Variants in ARHGEF1 observed in about 807,000 individuals in gnomAD.
ARHGEF1 encodes 115 kDa guanine nucleotide exchange factor.
In ARHGEF1, 40 loss-of-function variants were observed where a neutral mutation model predicts 119.7. The observed-to-expected ratio is 0.33, with a 90% confidence interval of 0.26 to 0.44. The LOEUF (loss-of-function observed/expected upper bound fraction) is 0.44. ARHGEF1 is among the 20% of genes least tolerant of loss of function. The pLI is 1.00. For synonymous variants in ARHGEF1, 494 were observed against 521.0 expected, an observed-to-expected ratio of 0.95 and a Z score of 0.71; for missense variants, 976 against 1,268.3, an observed-to-expected ratio of 0.77 and a Z score of 3.50.
intron 14 of ARHGEF1, chr19:41,900,816 G>A (rs1244390708): frequency 4.7e-5 from 6 of 128,066 alleles, no homozygotes; most frequent in African/African-American, 6.4e-5. Context: ...TTTTTGAGAC[G>A]ATCTCGCTCT....
At chr19:41,890,985 C>T (rs572021428) in intron 4 of ARHGEF1, among the ~76,000 whole-genome samples, 97 of 152,210 alleles carry the variant, frequency 6.4e-4, no homozygotes, top group African/African-American at 2.3e-3. Context: ...CAGATGAGAG[C>T]CCCCAGGAGC....
intron 14 of ARHGEF1, among the ~76,000 whole-genome samples, chr19:41,900,388 G>T (rs1041715190): frequency 1.3e-5 from 2 of 152,154 alleles, no homozygotes; most frequent in African/African-American, 4.8e-5. Context: ...AAATTTCATT[G>T]CAATTAACGA....
rs2074633267 is a variant in ARHGEF1, at chr19:41,903,181, CA to C, written c.1739-123del. 5 of 851,482 alleles carry C rather than the reference CA, an allele frequency of 5.9e-6. No individual in the cohort carries two copies. In the South Asian group the frequency reaches 7.8e-5, roughly 13 times the overall value. 52.7% of individuals were successfully genotyped at this position (851,482 alleles called of 1,614,324 possible). On this transcript the variant is annotated intron_variant, in intron 18 of 28. Coordinates refer to ENST00000354532, the MANE Select transcript of ARHGEF1 (RefSeq NM_004706.4). The surrounding 1 kb of genome is among the most constrained non-coding windows in gnomAD (Gnocchi z 4.2). ...AAGCTATCCTCCCGCCTCAGCCTCC[CA>C]AAGTGCTTGGATTACAGGCGTGAGC...
In ARHGEF1 at chr19:41,888,856, A is replaced by T; in HGVS notation, c.216A>T (p.Pro72=). ...AGCACGTGGCCCTGCAGTTTGAGCCAGGACCCCTGGTGAGGGCAGGGCTGG... is the reference window on the plus strand; with the variant it reads ...AGCACGTGGCCCTGCAGTTTGAGCCTGGACCCCTGGTGAGGGCAGGGCTGG... ...LLQHVALQFE[P]GPLLCCLHAD... The change falls in exon 4 of 29, where the codon CCA becomes CCT. Residue 72 remains proline, a synonymous_variant. Coordinates refer to ENST00000354532, the MANE Select transcript of ARHGEF1 (RefSeq NM_004706.4). This position sits in a 1 kb window ranked among gnomAD's most constrained non-coding sequence, Gnocchi z 5.1. The T allele has an allele frequency of 1.2e-6, 2 of 1,603,814 alleles. No homozygotes were observed. Among genetic ancestry groups the T allele is most frequent in the Non-Finnish European group, 1.7e-6 (2 of 1,173,396 alleles).
upstream of ARHGEF1, among the ~76,000 whole-genome samples, chr19:41,919,512 TACACACACACACAC>T: frequency 6.8e-6 from 1 of 146,592 alleles, no homozygotes; most frequent in East Asian, 2.0e-4. Flanking sequence ...CGTGCACGCG[TACACACACACACAC>T]ACACACACAC....
At position 41,888,377 on chromosome 19, in the gene ARHGEF1, C is replaced by T. The variant is rs558622463; in HGVS notation, c.111+99C>T. ...ATGCTGTCTTCTTGGCCTTTTCCCA[C>T]GGTCTGTCTCATCCTCTCATCTCCC... On this transcript the variant is annotated intron_variant, in intron 3 of 28. Transcript: ENST00000354532. This position sits in a 1 kb window ranked among gnomAD's most constrained non-coding sequence, Gnocchi z 5.1. 5.8e-5 allele frequency: 71 copies of T among 1,222,896 alleles called. No individual in the cohort carries two copies. The highest frequency in any genetic ancestry group is 4.4e-4 in the African/African-American group (29 of 65,524). The allele number at this position is 1,222,896 out of a possible 1,614,324, so 75.8% of individuals were successfully genotyped here. A position where few individuals can be genotyped will look rare whatever the true frequency, so the allele number is the denominator to read the frequency against.
chr19:41,904,191 C>T lies in ARHGEF1; in HGVS notation c.1994-25C>T, dbSNP rs371919577. ...GGGAGGGGGTCGCGCGGGGGCACGC[C>T]GTGTGAGCACTGCTCGCCCCGTAGA... On this transcript the variant is annotated intron_variant, in intron 21 of 28. Transcript: ENST00000354532. The surrounding 1 kb of genome is among the most constrained non-coding windows in gnomAD (Gnocchi z 8.4). The T allele has an allele frequency of 2.3e-5, 37 of 1,612,404 alleles. No individual in the cohort carries two copies. The highest frequency in any genetic ancestry group is 1.6e-4 in the Middle Eastern group (1 of 6,072).
Position 41,902,638 on chromosome 19 carries a change from C to T in ARHGEF1, c.1603C>T (p.Arg535Trp). 2.5e-6 allele frequency: 4 copies of T among 1,614,228 alleles called. No homozygotes were observed. The highest frequency in any genetic ancestry group is 1.3e-5 in the African/African-American group (1 of 75,070). The change falls in exon 17 of 29, where the codon CGG (arginine) becomes TGG (tryptophan). Residue 535 changes from arginine (R) to tryptophan (W), a missense_variant. This residue lies in a region of ARHGEF1 where 286 missense variants were observed against 506.8 expected (regional missense o/e 0.56). Coordinates refer to ENST00000354532, the MANE Select transcript of ARHGEF1 (RefSeq NM_004706.4). This position sits in a 1 kb window ranked among gnomAD's most constrained non-coding sequence, Gnocchi z 6.5. ...CAAAGCCAAGCAACGCAAGGACCCT[C>T]GGTTCTGTGCCTTCGTGCAGGTGAG... ...QLKAKQRKDP[R>W]FCAFVQEAES...
intron 18 of ARHGEF1, among the ~76,000 whole-genome samples, chr19:41,914,012 G>C (rs1163065961): frequency 6.8e-6 from 1 of 147,180 alleles, no homozygotes; most frequent in Non-Finnish European, 1.5e-5. Context: ...CTGCTCCCAT[G>C]CGCCCCCCAG....
chr19:41,908,354 CCCA>C (rs1177285907), downstream of ARHGEF1: 3 of 1,231,354 alleles, frequency 2.4e-6, no homozygotes, highest in Non-Finnish European at 3.0e-6. The surrounding 1 kb of genome is among the most constrained non-coding windows in gnomAD (Gnocchi z 6.7). Flanking sequence ...TGTCCTCCTT[CCCA>C]CCAAGGGCAG....
intron 28 of ARHGEF1, 97 bp from the exon 29 acceptor site, chr19:41,907,008 C>A: frequency 8.1e-7 from 1 of 1,235,010 alleles, no homozygotes; most frequent in South Asian, 1.6e-5. Flanking sequence ...CCCACCTCCC[C>A]TTCTCTCTCT....
At position 41,904,386 on chromosome 19, in the gene ARHGEF1, G is replaced by A; in HGVS notation, c.2161+3G>A. ...CATGACCCGCGAGGTGGCCACCGGTGAGTGCAGCCACTGCATGGCCCAGGG... is the reference window on the plus strand; with the variant it reads ...CATGACCCGCGAGGTGGCCACCGGTAAGTGCAGCCACTGCATGGCCCAGGG... On this transcript the variant is annotated splice_donor_region_variant and intron_variant, in intron 22 of 28. Transcript: ENST00000354532. This position sits in a 1 kb window ranked among gnomAD's most constrained non-coding sequence, Gnocchi z 8.4. 6.4e-7 allele frequency: 1 copy of A among 1,562,036 alleles called. No homozygotes were observed. The highest frequency in any genetic ancestry group is 8.6e-7 in the Non-Finnish European group (1 of 1,158,060).
Position 41,906,176 on chromosome 19 carries a change from G to A in ARHGEF1, c.2491+151G>A. ...CCACCCAGCCTGCACCACTGTCCTG[G>A]GTGCCCACGTCCCTCTTCTGCAGCC... On this transcript the variant is annotated intron_variant, in intron 26 of 28. Coordinates refer to ENST00000354532, the MANE Select transcript of ARHGEF1 (RefSeq NM_004706.4). This position sits in a 1 kb window ranked among gnomAD's most constrained non-coding sequence, Gnocchi z 4.5. The A allele has an allele frequency of 1.3e-6, 1 of 745,424 alleles. No individual in the cohort carries two copies. 46.2% of individuals were successfully genotyped at this position (745,424 alleles called of 1,614,324 possible). A position where few individuals can be genotyped will look rare whatever the true frequency, so the allele number is the denominator to read the frequency against.
chr19:41,915,236 G>A (rs1462730292), intron 18 of ARHGEF1, among the ~76,000 whole-genome samples: 1 of 147,360 alleles, frequency 6.8e-6, no homozygotes, highest in Non-Finnish European at 1.5e-5. Flanking sequence ...ATAACGAGGA[G>A]CCGTGGGATC....
At chr19:41,908,077 C>A (rs963267725), downstream of ARHGEF1, 204 of 519,732 alleles carry the variant, frequency 3.9e-4, no homozygotes, top group Non-Finnish European at 5.3e-4. This position sits in a 1 kb window ranked among gnomAD's most constrained non-coding sequence, Gnocchi z 6.7. Context: ...AGACCCCCCC[C>A]ACTCTGGGGC....
At chr19:41,920,354 G>A (rs920421341), upstream of ARHGEF1, among the ~76,000 whole-genome samples, 14 of 125,924 alleles carry the variant, frequency 1.1e-4, no homozygotes, top group Non-Finnish European at 2.3e-4. Context: ...GCACTCAGAC[G>A]TGACGCACAG....
Position 41,888,226 on chromosome 19 carries a change from C to T in ARHGEF1, c.59C>T (p.Pro20Leu). The T allele has an allele frequency of 6.2e-7, 1 of 1,614,120 alleles. No homozygotes were observed. Among genetic ancestry groups the T allele is most frequent in the Non-Finnish European group, 8.5e-7 (1 of 1,180,018 alleles). Residue 20 changes from proline (P) to leucine (L), a missense_variant, in exon 3 of 29, where the codon CCC becomes CTC. Pro to Leu is a moderately conservative substitution (Grantham distance 98). Around this residue, in one of 3 missense-constraint regions of ARHGEF1, gnomAD observed 519 missense variants for 580.9 expected, o/e 0.89. Transcript: ENST00000354532. This position sits in a 1 kb window ranked among gnomAD's most constrained non-coding sequence, Gnocchi z 5.1. Reference sequence around the variant, plus strand: ...GGCCCCTCCCGGCCTGGCCTGGTTCCCGTCAGCATCATCGGGGCTGAGGAT... The same window carrying T: ...GGCCCCTCCCGGCCTGGCCTGGTTCTCGTCAGCATCATCGGGGCTGAGGAT... ...SPGPSRPGLV[P>L]VSIIGAEDED...
rs2074810763 is a variant in ARHGEF1 at position 41,917,756 on chromosome 19, G to C, written c.1866-5336G>C. 6.6e-6 allele frequency among the ~76,000 whole-genome samples: 1 copy of C among 151,598 alleles called. No homozygotes were observed. The highest frequency in any genetic ancestry group is 2.4e-5 in the African/African-American group (1 of 41,212). On this transcript the variant is annotated intron_variant, in intron 18 of 20. Coordinates refer to the ARHGEF1 transcript ENST00000599589. This position sits in a 1 kb window ranked among gnomAD's most constrained non-coding sequence, Gnocchi z 4.8. The stretch of plus-strand genomic sequence containing the variant: ...CCACACGCCCATGTAGGACACATCT[G>C]TGCACACAGTAGAGACCCACAGTGA...
Position 41,929,502 on chromosome 19 carries a change from G to T in ARHGEF1, c.297-153G>T, listed in dbSNP as rs112362830. ...CCCACAGTTCAGCTCCCGGCCGGCC[G>T]GACCTCCTGGCCCAACCTGACCCTC... is the stretch of plus-strand genomic sequence containing the variant. On this transcript the variant is annotated intron_variant, in intron 2 of 2. Transcript: ENST00000594417. 5.6e-3 allele frequency among the ~76,000 whole-genome samples: 846 copies of T among 152,188 alleles called. 9 individuals are homozygous for T. The highest frequency in any genetic ancestry group is 0.019 in the African/African-American group (805 of 41,498).
Sources: allele counts gnomAD v4.1 joint callset (sites outside exome capture counted in the v4.1 genomes callset), GRCh38; gene constraint gnomAD v4.1.1; regional missense constraint gnomAD v4.1.1; non-coding constraint Gnocchi (gnomAD v3.1); transcripts MANE v1.5; gene names NCBI Gene and HGNC (gene_info 2026-07-23, HGNC 2026-07-21).